The following ADGRV1 variants were observed in gnomAD, a reference collection of about 807,000 sequenced individuals.
ADGRV1 encodes the protein adhesion G protein-coupled receptor V1, also known as G-protein coupled receptor 98.
Under a neutral mutation model 596.2 loss-of-function variants are expected in ADGRV1, and 359 were observed. The ratio of observed to expected loss-of-function variants is 0.60; its 90% CI spans 0.55 to 0.66. ADGRV1 has a LOEUF of 0.66. Ranked by LOEUF, ADGRV1 falls within the 30% of genes least tolerant of loss-of-function variation. ADGRV1 has a pLI of 0.00. For missense variants in ADGRV1, 7,274 were observed against 7,575.6 expected, an observed-to-expected ratio of 0.96 and a Z score of 1.48; for synonymous variants, 2,681 against 2,679.2, an observed-to-expected ratio of 1.00 and a Z score of -0.02.
At chr5:91,056,597 A>G (rs1160554921) in intron 85 of ADGRV1, among the ~76,000 whole-genome samples, 2 of 152,072 alleles carry the variant, frequency 1.3e-5, no homozygotes, top group African/African-American at 2.4e-5. Flanking sequence ...CAAATGCCCA[A>G]TGACAGTAGA....
At chr5:90,835,325 AAG>A (rs1408879734) in intron 77 of ADGRV1, among the ~76,000 whole-genome samples, 3 of 152,206 alleles carry the variant, frequency 2.0e-5, no homozygotes, top group Non-Finnish European at 4.4e-5. Context: ...GGTCTTGGAT[AAG>A]ATCTGGGAAA....
intron 89 of ADGRV1, among the ~76,000 whole-genome samples, chr5:91,161,541 A>T: frequency 6.7e-6 from 1 of 149,224 alleles, no homozygotes. Flanking sequence ...GAAACCAGAA[A>T]TCTGATTTTT....
At chr5:90,997,263 G>T (rs2151093713) in intron 85 of ADGRV1, among the ~76,000 whole-genome samples, 1 of 152,224 alleles carries the variant, frequency 6.6e-6, no homozygotes, top group East Asian at 1.9e-4. Context: ...GGAGGTGATT[G>T]GATTATGGGA....
chr5:91,007,688 A>G (rs1412601337), intron 85 of ADGRV1, among the ~76,000 whole-genome samples: 1 of 152,196 alleles, frequency 6.6e-6, no homozygotes, highest in East Asian at 1.9e-4. Flanking sequence ...GTGAAAATAC[A>G]TAAGAAAGAT....
At chr5:90,906,989 C>T (rs963340980) in intron 83 of ADGRV1, among the ~76,000 whole-genome samples, 15 of 152,180 alleles carry the variant, frequency 9.9e-5, no homozygotes, top group Non-Finnish European at 1.8e-4. Context: ...TAGGTGGCTT[C>T]CGTTTACGGT....
intron 59 of ADGRV1, among the ~76,000 whole-genome samples, chr5:90,767,266 TTA>T (rs1295615060): frequency 2.0e-5 from 3 of 152,224 alleles, no homozygotes; most frequent in African/African-American, 7.2e-5. Context: ...GTCAGTCGTT[TTA>T]TAGTTTTTGC....
At chr5:90,625,631 C>G (rs1322320515) in intron 6 of ADGRV1, 1 of 154,668 alleles carries the variant, frequency 6.5e-6, no homozygotes, top group Non-Finnish European at 1.4e-5. Flanking sequence ...GAAGGAGTCT[C>G]GCTCTGTTGC....
intron 42 of ADGRV1, among the ~76,000 whole-genome samples, chr5:90,712,965 A>G (rs984149711): frequency 6.6e-6 from 1 of 152,110 alleles, no homozygotes; most frequent in Non-Finnish European, 1.5e-5. Flanking sequence ...CCATTGCTTG[A>G]TAGGTATTGT....
At chr5:91,018,949 T>C (rs1180987317) in intron 85 of ADGRV1, among the ~76,000 whole-genome samples, 2 of 151,988 alleles carry the variant, frequency 1.3e-5, no homozygotes, top group African/African-American at 4.8e-5. Flanking sequence ...TTCATCACTG[T>C]AAGATGCCTC....
chr5:90,807,476 G>A, intron 72 of ADGRV1, 126 bp from the exon 73 acceptor site: 1 of 941,794 alleles, frequency 1.1e-6, no homozygotes, highest in Non-Finnish European at 1.5e-6. Context: ...TTTTAAAAAT[G>A]TTTTACCTTT....
intron 6 of ADGRV1, 24 bp from the exon 7 acceptor site, chr5:90,627,187 C>A: frequency 1.5e-6 from 2 of 1,355,950 alleles, no homozygotes; most frequent in African/African-American, 1.5e-5. Flanking sequence ...TGATGTTTTG[C>A]CTCTGTTTAT....
chr5:90,633,208 G>T (rs531740049), intron 9 of ADGRV1, among the ~76,000 whole-genome samples: 1 of 152,190 alleles, frequency 6.6e-6, no homozygotes, highest in South Asian at 2.1e-4. Context: ...ACAAAAAAAG[G>T]CTTATAGGCT....
chr5:90,560,446 T>C (rs1754668422), intron 1 of ADGRV1, among the ~76,000 whole-genome samples: 1 of 152,108 alleles, frequency 6.6e-6, no homozygotes, highest in South Asian at 2.1e-4. Flanking sequence ...ATAAATTGAA[T>C]AGTAGTATAT....
intron 17 of ADGRV1, among the ~76,000 whole-genome samples, chr5:90,650,793 C>T (rs1332363607): frequency 1.3e-5 from 2 of 151,984 alleles, no homozygotes; most frequent in Non-Finnish European, 2.9e-5. Flanking sequence ...AGCAAAGTGC[C>T]GTGGGAGCAC....
Position 90,776,521 on chromosome 5 carries a change from A to C in ADGRV1, c.12472A>C (p.Arg4158=). 1 of 1,613,214 alleles carries C rather than the reference A, an allele frequency of 6.2e-7. No homozygotes were observed. The highest frequency in any genetic ancestry group is 8.5e-7 in the Non-Finnish European group (1 of 1,179,348). Residue 4158 remains arginine (R), a synonymous_variant, in exon 61 of 90, where the codon AGG becomes CGG. Coordinates refer to ENST00000405460, the MANE Select transcript of ADGRV1 (RefSeq NM_032119.4). ...AGAAGTTGGGATAGCTCCGTCATCT[A>C]GGCACATCCTCATTGGGGAACCCTC... The part of the protein sequence containing the change: ...SGEVGIAPSS[R]HILIGEPSAK...
intron 88 of ADGRV1, among the ~76,000 whole-genome samples, chr5:91,152,809 G>A (rs942255067): frequency 1.3e-5 from 2 of 152,044 alleles, no homozygotes; most frequent in Non-Finnish European, 2.9e-5. Context: ...TGGGAATACA[G>A]GTGCACACCA....
chr5:91,149,906 A>G, intron 87 of ADGRV1, 124 bp from the exon 88 acceptor site: 1 of 628,260 alleles, frequency 1.6e-6, no homozygotes. Flanking sequence ...GTATTTCTTC[A>G]TAGCAGCATG....
Position 90,742,653 on chromosome 5 carries a change from C to G in ADGRV1, c.10550-2393C>G, listed in dbSNP as rs577740772. ...CGCACGGGTGTGCATGCATGTGTGGCTGCCATGGAGGAAAAACTTAAATGT... is the reference window on the plus strand; with the variant it reads ...CGCACGGGTGTGCATGCATGTGTGGGTGCCATGGAGGAAAAACTTAAATGT... On this transcript the variant is annotated intron_variant, in intron 50 of 89. Transcript: ENST00000405460. Among the ~76,000 whole-genome samples, 14 of 152,176 alleles carry G rather than the reference C, an allele frequency of 9.2e-5. No individual in the cohort carries two copies. In the South Asian group the frequency reaches 2.9e-3, roughly 32 times the overall value.
At chr5:90,712,467 A>T in intron 42 of ADGRV1, 39 bp downstream of exon 42, 1 of 1,471,198 alleles carries the variant, frequency 6.8e-7, no homozygotes, top group Non-Finnish European at 9.3e-7. Flanking sequence ...CCTCTCCTTC[A>T]TGCTGGGTTC....
Sources: gnomAD v4.1 joint callset for allele counts (sites outside exome capture counted in the v4.1 genomes callset) on GRCh38, gnomAD v4.1.1 for gene constraint, MANE v1.5 for transcripts, NCBI Gene and HGNC (gene_info 2026-07-23, HGNC 2026-07-21) for gene names.